The following PCDHGB1 variants were observed in gnomAD, a reference collection of about 807,000 sequenced individuals.
The protein encoded by PCDHGB1 is protocadherin gamma-B1.
A neutral mutation model predicts 56.6 loss-of-function variants in PCDHGB1; 34 were observed. The ratio of observed to expected loss-of-function variants is 0.60; its 90% CI spans 0.46 to 0.80. The LOEUF is 0.80. Ranked by LOEUF, PCDHGB1 falls within the 30% of genes least tolerant of loss-of-function variation. PCDHGB1 has a pLI of 0.00. For synonymous variants in PCDHGB1, 561 were observed against 505.9 expected (o/e 1.11, Z -1.46); for missense variants, 1,278 against 1,204.6 (o/e 1.06, Z -0.90).
chr5:141,374,474 C>G (rs762306215), intron 1 of PCDHGB1: 1 of 1,612,258 alleles, frequency 6.2e-7, no homozygotes, highest in Middle Eastern at 1.7e-4. Context: ...TGACAATACA[C>G]CCCGATTCTT....
rs1344998245 is a variant in PCDHGB1 at position 141,400,678 on chromosome 5, T to C, written c.2409+48009T>C. 7.9e-6 allele frequency: 7 copies of C among 881,884 alleles called. No homozygotes were observed. The East Asian group carries it at 1.5e-4, about 19-fold the overall frequency. The allele number at this position is 881,884 out of a possible 1,614,324, so 54.6% of individuals were successfully genotyped here. On this transcript the variant is annotated intron_variant, in intron 1 of 3. Coordinates refer to ENST00000523390, the MANE Select transcript of PCDHGB1 (RefSeq NM_018922.3). ...ACCATTCTTTAAGAGGAGCAGTAAA[T>C]TGTGAGTTTTTATGTCGCATAAAAG...
chr5:141,489,250 A>C lies in PCDHGB1; in HGVS notation c.2410-5557A>C. 1 of 1,546,554 alleles carries C rather than the reference A, an allele frequency of 6.5e-7. No individual in the cohort carries two copies. The highest frequency in any genetic ancestry group is 8.7e-7 in the Non-Finnish European group (1 of 1,146,722). On this transcript the variant is annotated intron_variant, in intron 1 of 3. Transcript: ENST00000523390. This position sits in a 1 kb window ranked among gnomAD's most constrained non-coding sequence, Gnocchi z 4.5. The stretch of plus-strand genomic sequence containing the variant: ...AAGGGACTTCTGGGTCATGGGGCCC[A>C]AGACACTCCCACAGCTCGCTGGGAA...
chr5:141,483,588 A>G (rs2099583207), intron 1 of PCDHGB1, among the ~76,000 whole-genome samples: 1 of 152,112 alleles, frequency 6.6e-6, no homozygotes, highest in African/African-American at 2.4e-5. Flanking sequence ...AACACCTAAT[A>G]GGTCAGGCTG....
chr5:141,393,789 G>C lies in PCDHGB1; in HGVS notation c.2409+41120G>C, dbSNP rs889575374. On this transcript the variant is annotated intron_variant, in intron 1 of 3. Transcript: ENST00000523390. ...GGAAATACAAGCCGAAGATGTGGGGGCACTTCTGGGGAGGACCAAATTGCT... is the reference window on the plus strand; with the variant it reads ...GGAAATACAAGCCGAAGATGTGGGGCCACTTCTGGGGAGGACCAAATTGCT... The C allele has an allele frequency of 1.9e-6, 3 of 1,613,840 alleles. No homozygotes were observed. The African/African-American group carries it at 4.0e-5, about 22-fold the overall frequency.
Position 141,490,254 on chromosome 5 carries a change from G to A in PCDHGB1, c.2410-4553G>A. The A allele has an allele frequency of 6.2e-7, 1 of 1,614,236 alleles. No homozygotes were observed. Among genetic ancestry groups the A allele is most frequent in the Non-Finnish European group, 8.5e-7 (1 of 1,180,038 alleles). ...TGGAGGGCCACTGTGTGATTCAAGT[G>A]GATGTGGGGGATGTCAATGACAATG... On this transcript the variant is annotated intron_variant, in intron 1 of 3. Coordinates refer to ENST00000523390, the MANE Select transcript of PCDHGB1 (RefSeq NM_018922.3). The surrounding 1 kb of genome is among the most constrained non-coding windows in gnomAD (Gnocchi z 5.4).
intron 1 of PCDHGB1, chr5:141,404,621 G>T: frequency 6.2e-7 from 1 of 1,614,174 alleles, no homozygotes; most frequent in South Asian, 1.1e-5. Context: ...GGACCAGAAT[G>T]ACAATGCCCC....
Position 141,505,463 on chromosome 5 carries a change from A to G in PCDHGB1, c.2539A>G (p.Ile847Val). 1 of 1,614,184 alleles carries G rather than the reference A, an allele frequency of 6.2e-7. No homozygotes were observed. Among genetic ancestry groups the G allele is most frequent in the East Asian group, 2.2e-5 (1 of 44,876 alleles). Residue 847 changes from isoleucine to valine, a missense_variant, in exon 3 of 4, where the codon ATC (isoleucine) becomes GTC (valine). Ile to Val is a conservative substitution (Grantham distance 29). Transcript: ENST00000523390. Reference protein sequence around the residue: ...QFDTEMLQAMILASASEAADG... With the variant: ...QFDTEMLQAMVLASASEAADG... ...TGACACAGAGATGCTGCAAGCCATG[A>G]TCTTGGCGTCCGCCAGTGGTAAGTG...
intron 2 of PCDHGB1, among the ~76,000 whole-genome samples, chr5:141,503,984 C>T (rs967348519): frequency 2.0e-5 from 3 of 152,184 alleles, no homozygotes; most frequent in African/African-American, 7.2e-5. Context: ...AACCCTTCTT[C>T]TTACCTTACA....
chr5:141,362,160 C>T (rs1215188936), intron 1 of PCDHGB1: 4 of 1,614,070 alleles, frequency 2.5e-6, no homozygotes, highest in Non-Finnish European at 3.4e-6. Context: ...TGCCAGACCT[C>T]AGCGACCGCC....
Position 141,398,972 on chromosome 5 carries a change from A to G in PCDHGB1, c.2409+46303A>G, listed in dbSNP as rs191593174. 31 of 1,613,974 alleles carry G rather than the reference A, an allele frequency of 1.9e-5. No homozygotes were observed. In the South Asian group the frequency reaches 2.5e-4, roughly 13 times the overall value. The stretch of plus-strand genomic sequence containing the variant: ...AACTCAGAAATTACTTATTCCTTCT[A>G]CAGAACCGGGCAAATCTTTAGTCTG... On this transcript the variant is annotated intron_variant, in intron 1 of 3. Transcript: ENST00000523390.
intron 1 of PCDHGB1, among the ~76,000 whole-genome samples, chr5:141,437,990 C>G (rs1298325497): frequency 1.3e-5 from 2 of 152,148 alleles, no homozygotes; most frequent in Non-Finnish European, 2.9e-5. Flanking sequence ...CCCACCCCAC[C>G]TCAGCCTCCC....
chr5:141,431,071 A>G lies in PCDHGB1; in HGVS notation c.2410-63736A>G. The G allele has an allele frequency of 6.2e-7, 1 of 1,614,244 alleles. No homozygotes were observed. On this transcript the variant is annotated intron_variant, in intron 1 of 3. Coordinates refer to ENST00000523390, the MANE Select transcript of PCDHGB1 (RefSeq NM_018922.3). The surrounding 1 kb of genome is among the most constrained non-coding windows in gnomAD (Gnocchi z 4.8). ...GTATGGGGGCCATCAAGTGTCAATTAAATCTAGACATTCTGATGGAGGATA... is the reference window on the plus strand; with the variant it reads ...GTATGGGGGCCATCAAGTGTCAATTGAATCTAGACATTCTGATGGAGGATA...
Position 141,476,374 on chromosome 5 carries a change from G to A in PCDHGB1, c.2410-18433G>A. 1.2e-6 allele frequency: 2 copies of A among 1,614,178 alleles called. No individual in the cohort carries two copies. Among genetic ancestry groups the A allele is most frequent in the Non-Finnish European group, 1.7e-6 (2 of 1,180,044 alleles). On this transcript the variant is annotated intron_variant, in intron 1 of 3. Transcript: ENST00000523390. This position sits in a 1 kb window ranked among gnomAD's most constrained non-coding sequence, Gnocchi z 7.6. ...AGGTGAACCGGGAGACCGGAGAGATGTTTGTGAACGACCGTCTGGATCGAG... is the reference window on the plus strand; with the variant it reads ...AGGTGAACCGGGAGACCGGAGAGATATTTGTGAACGACCGTCTGGATCGAG...
At chr5:141,389,191 T>G in intron 1 of PCDHGB1, 1 of 1,614,050 alleles carries the variant, frequency 6.2e-7, no homozygotes, top group African/African-American at 1.3e-5. Context: ...AGTTCCAGCA[T>G]CACCCTGCAC....
At chr5:141,404,198 T>G in intron 1 of PCDHGB1, 1 of 1,613,554 alleles carries the variant, frequency 6.2e-7, no homozygotes, top group Non-Finnish European at 8.5e-7. Flanking sequence ...AGAAAAAGCC[T>G]CAGAATATAA....
chr5:141,402,879 C>T, intron 1 of PCDHGB1: 1 of 1,471,232 alleles, frequency 6.8e-7, no homozygotes, highest in Non-Finnish European at 9.0e-7. Flanking sequence ...CCATACTTTG[C>T]AGGGTGGAAG....
intron 1 of PCDHGB1, chr5:141,441,844 G>T: frequency 2.8e-6 from 1 of 355,710 alleles, no homozygotes. Context: ...CGCGCTCTTG[G>T]ATATGGTGCT....
chr5:141,410,083 C>T (rs752701599), intron 1 of PCDHGB1: 102 of 1,612,590 alleles, frequency 6.3e-5, no homozygotes, highest in Non-Finnish European at 4.7e-5. Flanking sequence ...GGGAGGTGCG[C>T]ACGGCTCGAG....
chr5:141,456,353 G>A (rs1041991824), intron 1 of PCDHGB1, among the ~76,000 whole-genome samples: 2 of 152,120 alleles, frequency 1.3e-5, no homozygotes, highest in South Asian at 2.1e-4. Context: ...GAAGAATGGC[G>A]TCCATGTGTG....
Sources: gnomAD v4.1 joint callset for allele counts (sites outside exome capture counted in the v4.1 genomes callset) on GRCh38, gnomAD v4.1.1 for gene constraint, Gnocchi (gnomAD v3.1) non-coding constraint, MANE v1.5 for transcripts, NCBI Gene and HGNC (gene_info 2026-07-23, HGNC 2026-07-21) for gene names.